Variants in GRIK5 observed in about 807,000 individuals in gnomAD.
GRIK5 encodes glutamate receptor ionotropic, kainate 5.
In GRIK5, 43 loss-of-function variants were observed where a neutral mutation model predicts 97.4. That is an observed-to-expected ratio of 0.44 (90% CI 0.35 to 0.57). GRIK5 has a LOEUF of 0.57. Ranked by LOEUF, GRIK5 falls within the 20% of genes least tolerant of loss-of-function variation. The pLI, the probability that GRIK5 is intolerant of heterozygous loss-of-function variation, is 0.01. For missense variants in GRIK5, 1,015 were observed against 1,382.0 expected (o/e 0.73, Z 4.21); for synonymous variants, 580 against 583.5 (o/e 0.99, Z 0.09).
intron 11 of GRIK5, among the ~76,000 whole-genome samples, chr19:42,050,615 G>A (rs953125789): frequency 2.0e-5 from 3 of 146,474 alleles, no homozygotes; most frequent in South Asian, 2.1e-4. Flanking sequence ...CCGAGATCGC[G>A]CCACTGCACT....
intron 15 of GRIK5, among the ~76,000 whole-genome samples, chr19:42,009,933 G>A (rs2075541578): frequency 6.6e-6 from 1 of 151,774 alleles, no homozygotes; most frequent in South Asian, 2.1e-4. Context: ...GAGCATGGTG[G>A]TGCACGCCTG....
chr19:42,044,127 G>A (rs2076014532), intron 11 of GRIK5, among the ~76,000 whole-genome samples: 1 of 152,024 alleles, frequency 6.6e-6, no homozygotes, highest in Non-Finnish European at 1.5e-5. Flanking sequence ...CCCTTCACTC[G>A]GCACATCTCT....
intron 12 of GRIK5, among the ~76,000 whole-genome samples, chr19:42,024,080 G>A (rs1049931371): frequency 6.6e-6 from 1 of 152,050 alleles, no homozygotes; most frequent in Non-Finnish European, 1.5e-5. Flanking sequence ...CAGAGCCTTT[G>A]CACATGCTCT....
rs1462450870 is a variant in GRIK5, at chr19:42,054,437, C to T, written c.939G>A (p.Val313=). ...TCAGCTCTCGGACAGCGCTCACCACCACGTGCACGGCGTCAAACATCAGGG... is the reference window on the plus strand; with the variant it reads ...TCAGCTCTCGGACAGCGCTCACCACTACGTGCACGGCGTCAAACATCAGGG... ...SAALMFDAVH[V]VVSAVRELNR... is the part of the protein sequence containing the mutation. Residue 313 remains valine (V), a synonymous_variant, in exon 9 of 20, where the codon GTG becomes GTA. Coordinates refer to ENST00000593562, the MANE Select transcript of GRIK5 (RefSeq NM_002088.5). The T allele has an allele frequency of 6.2e-7, 1 of 1,613,536 alleles. No individual in the cohort carries two copies. Among genetic ancestry groups the T allele is most frequent in the African/African-American group, 1.3e-5 (1 of 75,056 alleles).
intron 3 of GRIK5, among the ~76,000 whole-genome samples, chr19:42,063,769 G>A (rs2076290932): frequency 6.6e-6 from 1 of 152,150 alleles, no homozygotes; most frequent in Non-Finnish European, 1.5e-5. Context: ...AGCCATGCCT[G>A]AAACAATCCT....
chr19:42,048,254 T>G (rs1402199073), intron 11 of GRIK5, among the ~76,000 whole-genome samples: 1 of 152,120 alleles, frequency 6.6e-6, no homozygotes, highest in Non-Finnish European at 1.5e-5. Flanking sequence ...AATGAAAAGG[T>G]AAGCCACAAA....
intron 12 of GRIK5, among the ~76,000 whole-genome samples, chr19:42,025,869 T>C (rs1023683108): frequency 3.9e-5 from 6 of 152,330 alleles, no homozygotes; most frequent in African/African-American, 1.4e-4. Context: ...ACCCAGCACT[T>C]TGAGAGGCCG....
At chr19:42,043,866 T>C (rs915083505) in intron 11 of GRIK5, among the ~76,000 whole-genome samples, 1 of 152,158 alleles carries the variant, frequency 6.6e-6, no homozygotes, top group African/African-American at 2.4e-5. Context: ...GCTATGACTG[T>C]ACCACTGCAC....
chr19:42,049,011 A>G (rs1165886762), intron 11 of GRIK5, among the ~76,000 whole-genome samples: 1 of 152,216 alleles, frequency 6.6e-6, no homozygotes, highest in Admixed American at 6.5e-5. Context: ...ACTGCACTCC[A>G]GCCTGGGTAA....
rs1469218967 is a variant in GRIK5 at position 42,065,799 on chromosome 19, T to C, written c.-29A>G. The C allele has an allele frequency of 1.3e-6, 2 of 1,534,068 alleles. No individual in the cohort carries two copies. The highest frequency in any genetic ancestry group is 1.8e-6 in the Non-Finnish European group (2 of 1,136,154). On this transcript the variant is annotated 5_prime_UTR_variant, in exon 2 of 20. Coordinates refer to ENST00000593562, the MANE Select transcript of GRIK5 (RefSeq NM_002088.5). This position sits in a 1 kb window ranked among gnomAD's most constrained non-coding sequence, Gnocchi z 5.8. ...CCTCCCCTCCTCATGGGGACGCAGC[T>C]GCCGCGGCCCCCACTCGCCACCTGC...
intron 5 of GRIK5, among the ~76,000 whole-genome samples, chr19:42,061,860 A>T (rs1386283967): frequency 6.6e-6 from 1 of 152,078 alleles, no homozygotes; most frequent in African/African-American, 2.4e-5. Flanking sequence ...CACGAATCTG[A>T]CCCTGTCCCC....
intron 3 of GRIK5, among the ~76,000 whole-genome samples, chr19:42,063,120 GA>G (rs561237545): frequency 1.1e-3 from 174 of 152,302 alleles, no homozygotes; most frequent in African/African-American, 4.2e-3. Flanking sequence ...TGAAGAGAAA[GA>G]GACACCAGGG....
intron 15 of GRIK5, among the ~76,000 whole-genome samples, chr19:42,015,632 C>T (rs749317072): frequency 2.4e-4 from 37 of 152,188 alleles, no homozygotes; most frequent in Non-Finnish European, 4.9e-4. Flanking sequence ...TGAAGAGTGA[C>T]TGAGTTCATC....
intron 12 of GRIK5, among the ~76,000 whole-genome samples, chr19:42,029,269 T>G (rs980167073): frequency 5.4e-5 from 8 of 149,374 alleles, no homozygotes; most frequent in Non-Finnish European, 7.4e-5. Context: ...CGTTTCACCA[T>G]GTTGGCCAGG....
intron 1 of GRIK5, among the ~76,000 whole-genome samples, chr19:42,067,739 C>A (rs755539235): frequency 6.6e-6 from 1 of 152,088 alleles, no homozygotes; most frequent in Non-Finnish European, 1.5e-5. Context: ...GAGATACACA[C>A]AGAAAGACAG....
At chr19:42,013,788 G>T (rs1051475969) in intron 15 of GRIK5, among the ~76,000 whole-genome samples, 1 of 152,088 alleles carries the variant, frequency 6.6e-6, no homozygotes, top group Non-Finnish European at 1.5e-5. Flanking sequence ...AGCATTTCAG[G>T]ATGCTGAGGT....
At chr19:42,056,553 C>T (rs2076187810) in intron 8 of GRIK5, 109 bp downstream of exon 8, 1 of 926,958 alleles carries the variant, frequency 1.1e-6, no homozygotes, top group Non-Finnish European at 1.7e-6. Context: ...CACGAGGCCT[C>T]AGGGAGGGCG....
chr19:42,021,320 G>A lies in GRIK5; in HGVS notation c.1852C>T (p.Arg618Cys), dbSNP rs750145451. 7 of 1,612,766 alleles carry A rather than the reference G, an allele frequency of 4.3e-6. No homozygotes were observed. Among genetic ancestry groups the A allele is most frequent in the Non-Finnish European group, 5.9e-6 (7 of 1,179,886 alleles). ...SEIMPRALST[R>C]CVSGVWWAFT... ...TCTCACCAGACTCCGCTGACACAGCGCGTGGACAGCGCCCGGGGCATGATC... is the reference window on the plus strand; with the variant it reads ...TCTCACCAGACTCCGCTGACACAGCACGTGGACAGCGCCCGGGGCATGATC... The change falls in exon 15 of 20, where the codon CGC becomes TGC. Residue 618 changes from arginine (R) to cysteine (C), a missense_variant. This residue lies in a region of GRIK5 where 477 missense variants were observed against 701.1 expected (regional missense o/e 0.68). Transcript: ENST00000593562. This position sits in a 1 kb window ranked among gnomAD's most constrained non-coding sequence, Gnocchi z 4.2.
chr19:42,007,607 A>G (rs1163715268), intron 15 of GRIK5, among the ~76,000 whole-genome samples: 1 of 152,124 alleles, frequency 6.6e-6, no homozygotes, highest in Non-Finnish European at 1.5e-5. Flanking sequence ...AGAGTGCCTG[A>G]GAGGAGGGAG....
Sources: gnomAD v4.1 joint callset for allele counts (sites outside exome capture counted in the v4.1 genomes callset) on GRCh38, gnomAD v4.1.1 for gene constraint, gnomAD v4.1.1 regional missense constraint, Gnocchi (gnomAD v3.1) non-coding constraint, MANE v1.5 for transcripts, NCBI Gene and HGNC (gene_info 2026-07-23, HGNC 2026-07-21) for gene names.